Variants in JAKMIP3 observed in about 807,000 individuals in gnomAD.
The protein encoded by JAKMIP3 is janus kinase and microtubule-interacting protein 3.
Under a neutral mutation model 118.5 loss-of-function variants are expected in JAKMIP3, and 58 were observed. The ratio of observed to expected loss-of-function variants is 0.49; its 90% CI spans 0.40 to 0.61. JAKMIP3 has a LOEUF of 0.61. Ranked by LOEUF, JAKMIP3 falls within the 20% of genes least tolerant of loss-of-function variation. The probability of loss-of-function intolerance (pLI) is 0.00; values close to 1 mark genes in which losing one functional copy is unlikely to be tolerated. For missense variants in JAKMIP3, 950 were observed against 1,109.0 expected (o/e 0.86, Z 2.04); for synonymous variants, 486 against 451.2 (o/e 1.08, Z -0.98).
upstream of JAKMIP3, among the ~76,000 whole-genome samples, chr10:132,063,058 T>C (rs1319989337): frequency 1.3e-5 from 2 of 151,968 alleles, no homozygotes; most frequent in Non-Finnish European, 2.9e-5. Flanking sequence ...GCAGGACGGG[T>C]GGGTCTGGGA....
rs372531283 is a variant in JAKMIP3, at chr10:132,141,907, C to T, written c.1474-13C>T. 2.3e-5 allele frequency: 36 copies of T among 1,588,852 alleles called. No homozygotes were observed. Among genetic ancestry groups the T allele is most frequent in the African/African-American group, 1.7e-4 (13 of 74,414 alleles). On this transcript the variant is annotated splice_polypyrimidine_tract_variant and intron_variant, in intron 10 of 23. Transcript: ENST00000684848. ...TGTGTCTCTGTGCGTGTGTGGCATC[C>T]GTGTCTCTCCAGGGCATGGCCAAGG...
intron 3 of JAKMIP3, among the ~76,000 whole-genome samples, chr10:132,122,195 C>T (rs145013021): frequency 0.032 from 4,927 of 152,150 alleles, 160 homozygotes; most frequent in Non-Finnish European, 0.045. Flanking sequence ...GTCGGCTCCC[C>T]GGCTGTCGGG....
chr10:132,139,199 A>AGTGT (rs529551730), intron 9 of JAKMIP3, among the ~76,000 whole-genome samples: 1 of 55,290 alleles, frequency 1.8e-5, no homozygotes, highest in African/African-American at 7.8e-5. Context: ...TGTGTGTATG[A>AGTGT]GTGTGTGTGT....
chr10:132,117,719 G>A lies in JAKMIP3; in HGVS notation c.633+145G>A. 2 of 1,033,708 alleles carry A rather than the reference G, an allele frequency of 1.9e-6. No homozygotes were observed. Among genetic ancestry groups the A allele is most frequent in the Non-Finnish European group, 2.5e-6 (2 of 791,244 alleles). The allele number at this position is 1,033,708 out of a possible 1,614,324, so 64.0% of individuals were successfully genotyped here. A position where few individuals can be genotyped will look rare whatever the true frequency, so the allele number is the denominator to read the frequency against. Reference sequence around the variant, plus strand: ...GGCTTCACCCCCCATGACATTCTTAGCACAGGCTCCTCATGCCACCCCTGT... The same window carrying A: ...GGCTTCACCCCCCATGACATTCTTAACACAGGCTCCTCATGCCACCCCTGT... On this transcript the variant is annotated intron_variant, in intron 3 of 23. Transcript: ENST00000684848. This position sits in a 1 kb window ranked among gnomAD's most constrained non-coding sequence, Gnocchi z 8.6.
chr10:132,144,945 G>T (rs553363934), intron 11 of JAKMIP3, among the ~76,000 whole-genome samples, 162 bp from the exon 12 acceptor site: 2 of 152,164 alleles, frequency 1.3e-5, no homozygotes, highest in South Asian at 4.1e-4. Flanking sequence ...AAACAAAACA[G>T]TTCTCCCTCT....
At chr10:132,177,521 AGT>A (rs4009680) in intron 23 of JAKMIP3, among the ~76,000 whole-genome samples, 53 of 144,746 alleles carry the variant, frequency 3.7e-4, no homozygotes, top group Non-Finnish European at 5.3e-4. Context: ...TGCCCTGGGT[AGT>A]GTGTGTGTGT....
intron 1 of JAKMIP3, among the ~76,000 whole-genome samples, chr10:132,086,132 G>A (rs2042367183): frequency 6.6e-6 from 1 of 152,112 alleles, no homozygotes; most frequent in Admixed American, 6.6e-5. Flanking sequence ...GATCATTCAG[G>A]AGCAGGTTAT....
upstream of JAKMIP3, among the ~76,000 whole-genome samples, chr10:132,063,544 G>C (rs1021174289): frequency 9.2e-5 from 14 of 152,202 alleles, no homozygotes; most frequent in African/African-American, 3.4e-4. Flanking sequence ...TTAAAGAGCA[G>C]GCTGCTCCCT....
chr10:132,051,476 G>A (rs1196950498), intron 1 of JAKMIP3, among the ~76,000 whole-genome samples: 3 of 152,140 alleles, frequency 2.0e-5, no homozygotes, highest in Admixed American at 1.3e-4. Context: ...TTCCCTGCCT[G>A]CTCATGATTC....
Position 132,127,242 on chromosome 10 carries a change from G to A in JAKMIP3, c.634-6070G>A, listed in dbSNP as rs1192207221. Among the ~76,000 whole-genome samples, 3 of 119,850 alleles carry A rather than the reference G, an allele frequency of 2.5e-5. No homozygotes were observed. In the East Asian group the frequency reaches 7.4e-4, roughly 30 times the overall value. 78.6% of individuals were successfully genotyped at this position (119,850 alleles called of 152,430 possible). On this transcript the variant is annotated intron_variant, in intron 3 of 23. Coordinates refer to ENST00000684848, the MANE Select transcript of JAKMIP3 (RefSeq NM_001323087.2). Reference sequence around the variant, plus strand: ...GACTTTTCTTTTTTTTTTTTTTTTCGAGATGGTTTCTCACTCTGTTGCCCA... The same window carrying A: ...GACTTTTCTTTTTTTTTTTTTTTTCAAGATGGTTTCTCACTCTGTTGCCCA...
intron 1 of JAKMIP3, among the ~76,000 whole-genome samples, chr10:132,068,596 T>G (rs1264873108): frequency 6.6e-6 from 1 of 152,194 alleles, no homozygotes; most frequent in Non-Finnish European, 1.5e-5. Context: ...AGACGTGCTT[T>G]GGGAGCCGGA....
Position 132,153,017 on chromosome 10 carries a change from C to A in JAKMIP3, c.2067C>A (p.Ala689=), listed in dbSNP as rs371410240. 2 of 1,606,868 alleles carry A rather than the reference C, an allele frequency of 1.2e-6. No individual in the cohort carries two copies. The highest frequency in any genetic ancestry group is 2.2e-5 in the South Asian group (2 of 89,394). Residue 689 remains alanine (A), a synonymous_variant, in exon 17 of 24, where the codon GCC becomes GCA. Coordinates refer to ENST00000684848, the MANE Select transcript of JAKMIP3 (RefSeq NM_001323087.2). ...AAGCCAGGACAGTCCTGACCTTGGC[C>A]GAAAAGGTAACAGCAGCTGTGTGGA... ...VIQARTVLTL[A]EKWLQQIEET...
intron 3 of JAKMIP3, among the ~76,000 whole-genome samples, chr10:132,131,155 A>G (rs1248153333): frequency 6.6e-6 from 1 of 151,372 alleles, no homozygotes; most frequent in East Asian, 2.0e-4. Context: ...GTGGGTGGGG[A>G]AGGCAACAGA....
chr10:132,177,362 G>A (rs896390535), intron 23 of JAKMIP3, among the ~76,000 whole-genome samples: 14 of 152,274 alleles, frequency 9.2e-5, no homozygotes, highest in East Asian at 1.9e-4. Context: ...GAAAGTGTGC[G>A]CACGTGTGTG....
chr10:132,149,609 C>T, intron 15 of JAKMIP3, 99 bp downstream of exon 15: 1 of 203,410 alleles, frequency 4.9e-6, no homozygotes, highest in South Asian at 3.5e-5. Context: ...CCCCGCCCCA[C>T]CCCCCTCCGC....
chr10:132,091,602 T>G (rs1372301504), intron 1 of JAKMIP3, among the ~76,000 whole-genome samples: 1 of 152,198 alleles, frequency 6.6e-6, no homozygotes, highest in African/African-American at 2.4e-5. Context: ...AACCCCTGCT[T>G]TTTTTGTTTT....
At chr10:132,115,046 C>A (rs1467505747) in intron 2 of JAKMIP3, among the ~76,000 whole-genome samples, 1 of 152,136 alleles carries the variant, frequency 6.6e-6, no homozygotes, top group Non-Finnish European at 1.5e-5. Flanking sequence ...TGTGATCGGG[C>A]GAGGGTGAAT....
intron 2 of JAKMIP3, among the ~76,000 whole-genome samples, chr10:132,111,351 C>G (rs997470562): frequency 6.6e-6 from 1 of 151,598 alleles, no homozygotes; most frequent in East Asian, 1.9e-4. Flanking sequence ...GAGCAGAGAC[C>G]CCCCCCATGA....
chr10:132,142,477 T>TGCCGCG (rs2053712807), intron 11 of JAKMIP3, among the ~76,000 whole-genome samples: 1 of 142,046 alleles, frequency 7.0e-6, no homozygotes, highest in Non-Finnish European at 1.5e-5. Flanking sequence ...AGGCTGTGCC[T>TGCCGCG]GCCCCGGCCC....
Sources: gnomAD v4.1 joint callset for allele counts (sites outside exome capture counted in the v4.1 genomes callset) on GRCh38, gnomAD v4.1.1 for gene constraint, Gnocchi (gnomAD v3.1) non-coding constraint, MANE v1.5 for transcripts, NCBI Gene and HGNC (gene_info 2026-07-23, HGNC 2026-07-21) for gene names.